The following ERAP2 variants were observed in gnomAD, a reference collection of about 807,000 sequenced individuals.
The protein encoded by ERAP2 is leukocyte-derived arginine aminopeptidase.
A neutral mutation model predicts 111.1 loss-of-function variants in ERAP2; 118 were observed. The ratio of observed to expected loss-of-function variants is 1.06; its 90% confidence interval spans 0.92 to 1.24. ERAP2 has a LOEUF of 1.24. Among genes scored for constraint, ERAP2 ranks in the 50% most tolerant of loss-of-function variants. The probability of loss-of-function intolerance (pLI) is 0.00; values close to 1 mark genes in which losing one functional copy is unlikely to be tolerated. For synonymous variants in ERAP2, 410 were observed against 401.2 expected (o/e 1.02, Z -0.26); for missense variants, 1,131 against 1,125.8 (o/e 1.00, Z -0.07).
chr5:96,886,173 C>T (rs567154097), intron 3 of ERAP2, among the ~76,000 whole-genome samples: 44 of 152,318 alleles, frequency 2.9e-4, no homozygotes, highest in Admixed American at 2.4e-3. Context: ...ACAACACCAA[C>T]CTCACACCCA....
intron 9 of ERAP2, among the ~76,000 whole-genome samples, chr5:96,898,715 G>A (rs1465871492): frequency 6.6e-6 from 1 of 152,242 alleles, no homozygotes; most frequent in East Asian, 1.9e-4. Context: ...CTCCAGCCTG[G>A]TGACAGAGTG....
At chr5:96,916,713 C>G (rs1007163706) in intron 18 of ERAP2, among the ~76,000 whole-genome samples, 7 of 151,480 alleles carry the variant, frequency 4.6e-5, no homozygotes, top group South Asian at 2.1e-4. Flanking sequence ...CGTGATCCAC[C>G]CACTTTGGCC....
chr5:96,879,439 A>G (rs796648089), intron 1 of ERAP2, 125 bp from the exon 2 acceptor site: 9 of 417,534 alleles, frequency 2.2e-5, no homozygotes, highest in African/African-American at 1.6e-4. Context: ...TTTTGTGGAT[A>G]CTTGGCCTAA....
At chr5:96,915,836 T>G in intron 18 of ERAP2, 67 bp downstream of exon 18, 1 of 1,334,582 alleles carries the variant, frequency 7.5e-7, no homozygotes, top group Non-Finnish European at 1.1e-6. Flanking sequence ...AAAGTAAACT[T>G]AGATATAATC....
intron 2 of ERAP2, among the ~76,000 whole-genome samples, chr5:96,882,787 TC>T (rs140821700): frequency 0.026 from 3,974 of 152,288 alleles, 86 homozygotes; most frequent in Middle Eastern, 0.095. Flanking sequence ...AGCCTCAGTT[TC>T]CCAGCCTGTG....
chr5:96,914,148 T>TCTCA (rs34158080), intron 17 of ERAP2, among the ~76,000 whole-genome samples: 72,905 of 147,808 alleles, frequency 0.49, 17,727 homozygotes, highest in Admixed American at 0.56. Context: ...TCTCTCTCTC[T>TCTCA]CACACACACA....
intron 13 of ERAP2, among the ~76,000 whole-genome samples, chr5:96,908,557 C>A (rs1378622550): frequency 6.6e-6 from 1 of 152,168 alleles, no homozygotes; most frequent in East Asian, 1.9e-4. Flanking sequence ...CAAACCCACA[C>A]ATGAAGCAAT....
intron 18 of ERAP2, among the ~76,000 whole-genome samples, chr5:96,916,702 T>C (rs139086235): frequency 0.038 from 5,744 of 151,756 alleles, 190 homozygotes; most frequent in Middle Eastern, 0.12. Context: ...TCTCCTGACC[T>C]CGTGATCCAC....
At chr5:96,912,950 C>T (rs1786965796) in intron 16 of ERAP2, 152 bp downstream of exon 16, 2 of 641,306 alleles carry the variant, frequency 3.1e-6, no homozygotes, top group Non-Finnish European at 5.1e-6. Flanking sequence ...AATATATTGA[C>T]AAAATGCAAA....
chr5:96,880,312 G>A, intron 2 of ERAP2, 52 bp downstream of exon 2: 2 of 1,481,808 alleles, frequency 1.3e-6, no homozygotes, highest in South Asian at 1.3e-5. Context: ...TTCCTTACGA[G>A]TTACATCTCT....
At chr5:96,898,458 T>C (rs933597032) in intron 9 of ERAP2, among the ~76,000 whole-genome samples, 6 of 151,542 alleles carry the variant, frequency 4.0e-5, no homozygotes, top group Admixed American at 6.6e-5. Context: ...AAAATACTTA[T>C]AGGCCTGGTG....
intron 3 of ERAP2, 56 bp downstream of exon 3, chr5:96,883,986 C>T (rs576070445): frequency 1.3e-5 from 19 of 1,494,692 alleles, no homozygotes; most frequent in South Asian, 8.0e-5. Context: ...ACTCAGTCTT[C>T]GTTTGTTTTT....
At chr5:96,902,427 T>C in intron 12 of ERAP2, 74 bp downstream of exon 12, 3 of 876,660 alleles carry the variant, frequency 3.4e-6, no homozygotes, top group Non-Finnish European at 5.7e-6. Context: ...GAAGGAACGA[T>C]ACAATAAGTA....
Position 96,879,663 on chromosome 5 carries a change from T to C in ERAP2, c.-23T>C, listed in dbSNP as rs1782932485. 6.2e-7 allele frequency: 1 copy of C among 1,600,490 alleles called. No individual in the cohort carries two copies. Among genetic ancestry groups the C allele is most frequent in the Non-Finnish European group, 8.6e-7 (1 of 1,168,538 alleles). The stretch of plus-strand genomic sequence containing the variant: ...CTACGAGATTAGCCTGGATATTAAC[T>C]TGTCTTCTAGAGAATAGATTTCATG... On this transcript the variant is annotated 5_prime_UTR_variant, in exon 2 of 19. Coordinates refer to ENST00000437043, the MANE Select transcript of ERAP2 (RefSeq NM_022350.5).
Position 96,883,846 on chromosome 5 carries a change from C to T in ERAP2, c.630C>T (p.Cys210=). The T allele has an allele frequency of 6.2e-7, 1 of 1,613,900 alleles. No homozygotes were observed. The highest frequency in any genetic ancestry group is 1.1e-5 in the South Asian group (1 of 91,050). ...EPTQARMAFP[C]FDEPLFKANF... is the part of the protein sequence containing the mutation. ...CCCAGGCACGCATGGCTTTCCCTTG[C>T]TTTGATGAACCGTTGTTCAAAGCCA... The change falls in exon 3 of 19, where the codon TGC becomes TGT. Residue 210 remains cysteine, a synonymous_variant. Transcript: ENST00000437043.
chr5:96,889,153 T>C (rs1459706268), intron 4 of ERAP2, 32 bp from the exon 5 acceptor site: 1 of 1,611,754 alleles, frequency 6.2e-7, no homozygotes, highest in Admixed American at 1.7e-5. Context: ...GGAGCTGTCA[T>C]TCAAAAACCT....
intron 6 of ERAP2, among the ~76,000 whole-genome samples, chr5:96,894,930 A>C (rs56144150): frequency 1.1e-4 from 16 of 152,268 alleles, no homozygotes; most frequent in Non-Finnish European, 1.8e-4. Flanking sequence ...AACTACCTCC[A>C]TAAAGTGTTC....
chr5:96,887,100 T>TAC lies in ERAP2; in HGVS notation c.849+337_849+338dup, dbSNP rs137875303. Among the ~76,000 whole-genome samples, 644 of 137,380 alleles carry TAC rather than the reference T, an allele frequency of 4.7e-3. 3 individuals carry two copies. Among genetic ancestry groups the TAC allele is most frequent in the Middle Eastern group, 0.012 (3 of 258 alleles). 90.1% of individuals were successfully genotyped at this position (137,380 alleles called of 152,430 possible). A position where few individuals can be genotyped will look rare whatever the true frequency, so the allele number is the denominator to read the frequency against. ...ATATATATATATATATATATATATATACACACACACACACACACACACACA... is the reference window on the plus strand; with the variant it reads ...ATATATATATATATATATATATATATACACACACACACACACACACACACACA... On this transcript the variant is annotated intron_variant, in intron 4 of 18. Coordinates refer to ENST00000437043, the MANE Select transcript of ERAP2 (RefSeq NM_022350.5).
Position 96,884,079 on chromosome 5 carries a change from T to A in ERAP2, c.714+149T>A, listed in dbSNP as rs111717592. ...CTATCTATCTATCTATCTATCTATC[T>A]ATCATCATAATTTCAATCATTCTAG... On this transcript the variant is annotated intron_variant, in intron 3 of 18. Transcript: ENST00000437043. 921 of 585,340 alleles carry A rather than the reference T, an allele frequency of 1.6e-3. 6 individuals are homozygous for A. In the African/African-American group the frequency reaches 0.017, roughly 11 times the overall value. The allele number at this position is 585,340 out of a possible 1,614,324, so 36.3% of individuals were successfully genotyped here.
Sources: allele counts gnomAD v4.1 joint callset (sites outside exome capture counted in the v4.1 genomes callset), GRCh38; gene constraint gnomAD v4.1.1; transcripts MANE v1.5; gene names NCBI Gene and HGNC (gene_info 2026-07-23, HGNC 2026-07-21).